Variants in SMAD3 observed in about 807,000 individuals in gnomAD.
SMAD3 encodes MAD homolog 3.
A neutral mutation model predicts 51.8 loss-of-function variants in SMAD3; 12 were observed. That is an observed-to-expected ratio of 0.23 (90% CI 0.15 to 0.38). The LOEUF is 0.38. Ranked by LOEUF, SMAD3 falls within the 10% of genes least tolerant of loss-of-function variation. The pLI, the probability that SMAD3 is intolerant of heterozygous loss-of-function variation, is 1.00. For missense variants in SMAD3, 294 were observed against 565.6 expected, an observed-to-expected ratio of 0.52 and a Z score of 4.87; for synonymous variants, 238 against 227.7, an observed-to-expected ratio of 1.05 and a Z score of -0.41.
chr15:67,183,605 C>T (rs1963143309), intron 6 of SMAD3, among the ~76,000 whole-genome samples: 1 of 152,148 alleles, frequency 6.6e-6, no homozygotes, highest in Non-Finnish European at 1.5e-5. Context: ...CGTGTTCATC[C>T]TACCGGATGC....
In SMAD3 at chr15:67,072,349, A is replaced by T. The variant is rs1033355561; in HGVS notation, c.206+5989A>T. Among the ~76,000 whole-genome samples, 3 of 152,198 alleles carry T rather than the reference A, an allele frequency of 2.0e-5. No homozygotes were observed. The East Asian group carries it at 5.8e-4, about 29-fold the overall frequency. ...ATAAGACCAAGCAGGGCTTGCTTCA[A>T]ATTGGAATCAGCTTTCATTCCTGTT... On this transcript the variant is annotated intron_variant, in intron 1 of 8. Coordinates refer to ENST00000327367, the MANE Select transcript of SMAD3 (RefSeq NM_005902.4).
chr15:67,176,037 A>G (rs530262455), intron 5 of SMAD3, among the ~76,000 whole-genome samples: 1 of 152,292 alleles, frequency 6.6e-6, no homozygotes, highest in African/African-American at 2.4e-5. Context: ...TCCTGGTTGC[A>G]GTATGCTGGT....
intron 1 of SMAD3, among the ~76,000 whole-genome samples, chr15:67,140,223 A>C (rs1961782385): frequency 6.6e-6 from 1 of 152,168 alleles, no homozygotes; most frequent in Non-Finnish European, 1.5e-5. Context: ...TGGAAGAGAC[A>C]TTAAGTACAG....
rs1181385136 is a variant in SMAD3, at chr15:67,148,476, A to C, written c.207-16419A>C. ...TCGCTGTATTTAATGTCTGCCTACA[A>C]CCTTAGCCACAGATGACTCTCTCTC... is the stretch of plus-strand genomic sequence containing the variant. On this transcript the variant is annotated intron_variant, in intron 1 of 8. Coordinates refer to ENST00000327367, the MANE Select transcript of SMAD3 (RefSeq NM_005902.4). 2.0e-5 allele frequency among the ~76,000 whole-genome samples: 3 copies of C among 152,184 alleles called. No homozygotes were observed. The East Asian group carries it at 5.8e-4, about 29-fold the overall frequency.
chr15:67,065,621 G>GGCGGGAGCGGGAGCGC lies in SMAD3; in HGVS notation c.-532_-517dup, dbSNP rs1566955868. ...TTGCATGAAACACAGACTGGGAGCG[G>GGCGGGAGCGGGAGCGC]GCGGGAGCGGGAGCGCGGCGCACGC... On this transcript the variant is annotated 5_prime_UTR_variant, in exon 1 of 9. Coordinates refer to ENST00000327367, the MANE Select transcript of SMAD3 (RefSeq NM_005902.4). Among the ~76,000 whole-genome samples, 2 of 151,280 alleles carry GGCGGGAGCGGGAGCGC rather than the reference G, an allele frequency of 1.3e-5. No homozygotes were observed. The highest frequency in any genetic ancestry group is 4.9e-5 in the African/African-American group (2 of 41,224).
intron 1 of SMAD3, among the ~76,000 whole-genome samples, chr15:67,093,881 G>A (rs1027946785): frequency 5.3e-5 from 8 of 152,240 alleles, no homozygotes; most frequent in African/African-American, 1.9e-4. Flanking sequence ...AGAGTTCTGT[G>A]AAGTGGTGCG....
In SMAD3 at chr15:67,184,861, C is replaced by G. The variant is rs769475136; in HGVS notation, c.1006C>G (p.Pro336Ala). ...WHPATVCKIP[P>A]GCNLKIFNNQ... ...CCCGGCCACCGTCTGCAAGATCCCACCAGGTAAACGAGCCGCACAGGCACC... is the reference window on the plus strand; with the variant it reads ...CCCGGCCACCGTCTGCAAGATCCCAGCAGGTAAACGAGCCGCACAGGCACC... Residue 336 changes from proline to alanine, a missense_variant, in exon 7 of 9, where the codon CCA becomes GCA. Physicochemically the swap from Pro to Ala is conservative, Grantham distance 27. This residue lies in a region of SMAD3 where 118 missense variants were observed against 278.0 expected (regional missense o/e 0.42). Coordinates refer to ENST00000327367, the MANE Select transcript of SMAD3 (RefSeq NM_005902.4). 3.7e-6 allele frequency: 6 copies of G among 1,612,818 alleles called. No individual in the cohort carries two copies. In the Admixed American group the frequency reaches 5.0e-5, roughly 13 times the overall value.
At chr15:67,150,845 G>GTTTTTTTTTTTT in intron 1 of SMAD3, among the ~76,000 whole-genome samples, 1 of 14,402 alleles carries the variant, frequency 6.9e-5, no homozygotes, top group Non-Finnish European at 1.4e-4. Flanking sequence ...CTATTTCTCA[G>GTTTTTTTTTTTT]TCTTTTTTTT....
rs185838563 is a variant in SMAD3 at position 67,194,080 on chromosome 15, G to T, written c.*3544G>T. On this transcript the variant is annotated 3_prime_UTR_variant, in exon 9 of 9. Transcript: ENST00000327367. ...ACCAAGGGGGATACCAGCAGCAAGA[G>T]AGTGCACCCGTTTAGCCCTGGACCC... 197 of 233,412 alleles carry T rather than the reference G, an allele frequency of 8.4e-4. No individual in the cohort carries two copies. Among genetic ancestry groups the T allele is most frequent in the African/African-American group, 3.8e-3 (174 of 45,460 alleles). The allele number at this position is 233,412 out of a possible 1,614,324, so 14.5% of individuals were successfully genotyped here. A position where few individuals can be genotyped will look rare whatever the true frequency, so the allele number is the denominator to read the frequency against.
intron 1 of SMAD3, chr15:67,125,597 G>A (rs1958298568): frequency 2.1e-6 from 1 of 480,346 alleles, no homozygotes; most frequent in Admixed American, 6.4e-5. Flanking sequence ...GCTTAACAGA[G>A]ACATCTGTGA....
At chr15:67,116,680 G>T (rs1390933930) in intron 1 of SMAD3, among the ~76,000 whole-genome samples, 1 of 152,212 alleles carries the variant, frequency 6.6e-6, no homozygotes, top group Non-Finnish European at 1.5e-5. Flanking sequence ...CTCAAAGCCT[G>T]TGGGACCTAA....
At chr15:67,112,154 C>CCTTTTTTTT (rs1961030240) in intron 1 of SMAD3, among the ~76,000 whole-genome samples, 1 of 90,426 alleles carries the variant, frequency 1.1e-5, no homozygotes, top group East Asian at 3.3e-4. Flanking sequence ...TTTTTCTTTC[C>CCTTTTTTTT]TTTTTTTTTT....
At chr15:67,168,466 G>C (rs182847958) in intron 4 of SMAD3, among the ~76,000 whole-genome samples, 1 of 152,316 alleles carries the variant, frequency 6.6e-6, no homozygotes, top group Non-Finnish European at 1.5e-5. Context: ...GTGCAGGCGT[G>C]GGAAGCAGGC....
intron 1 of SMAD3, among the ~76,000 whole-genome samples, chr15:67,157,985 G>A (rs1314430331): frequency 1.3e-5 from 2 of 152,234 alleles, no homozygotes; most frequent in East Asian, 3.8e-4. Context: ...GCCAGTGGGT[G>A]TGGGAGAGAT....
intron 4 of SMAD3, among the ~76,000 whole-genome samples, chr15:67,168,721 G>A (rs890261067): frequency 2.0e-5 from 3 of 152,032 alleles, no homozygotes; most frequent in Non-Finnish European, 4.4e-5. Context: ...CTCATTAAGT[G>A]TGCCTGCAGG....
At chr15:67,081,472 G>A (rs1026493459) in intron 1 of SMAD3, among the ~76,000 whole-genome samples, 1 of 152,108 alleles carries the variant, frequency 6.6e-6, no homozygotes, top group African/African-American at 2.4e-5. Context: ...ATTCTGTATC[G>A]GAGCCCAGCA....
chr15:67,185,422 G>C (rs1963198393), intron 7 of SMAD3, among the ~76,000 whole-genome samples: 1 of 152,194 alleles, frequency 6.6e-6, no homozygotes, highest in South Asian at 2.1e-4. Flanking sequence ...CTAGGCACAG[G>C]GAGGGCATTC....
chr15:67,137,201 T>C lies in SMAD3; in HGVS notation c.207-27694T>C, dbSNP rs1961688899. 2.0e-5 allele frequency among the ~76,000 whole-genome samples: 3 copies of C among 152,336 alleles called. No homozygotes were observed. In the South Asian group the frequency reaches 6.2e-4, roughly 32 times the overall value. ...TCTGAAAAAGGACAAGGGTGTTTTT[T>C]TGTTTTGTCATTTTTTTTCCCAGTA... On this transcript the variant is annotated intron_variant, in intron 1 of 8. Coordinates refer to ENST00000327367, the MANE Select transcript of SMAD3 (RefSeq NM_005902.4).
intron 1 of SMAD3, among the ~76,000 whole-genome samples, chr15:67,118,755 A>C (rs114013183): frequency 0.031 from 4,672 of 152,260 alleles, 248 homozygotes; most frequent in African/African-American, 0.11. Context: ...GCTGTCTTTC[A>C]AGACACAACC....
Sources: gnomAD v4.1 joint callset for allele counts (sites outside exome capture counted in the v4.1 genomes callset) on GRCh38, gnomAD v4.1.1 for gene constraint, gnomAD v4.1.1 regional missense constraint, MANE v1.5 for transcripts, NCBI Gene and HGNC (gene_info 2026-07-23, HGNC 2026-07-21) for gene names.